ANKRD11: variants seen among roughly 807,000 people sequenced by gnomAD.
The protein encoded by ANKRD11 is ankyrin repeat domain-containing protein 11.
In ANKRD11, 17 loss-of-function variants were observed where a neutral mutation model predicts 195.7. The ratio of observed to expected loss-of-function variants is 0.09; its 90% confidence interval spans 0.06 to 0.13. The LOEUF (loss-of-function observed/expected upper bound fraction) is 0.13. ANKRD11 is among the 10% of genes least tolerant of loss of function. ANKRD11 has a pLI of 1.00. For synonymous variants in ANKRD11, 1,953 were observed against 1,528.1 expected (o/e 1.28, Z -6.49); for missense variants, 3,735 against 3,566.1 (o/e 1.05, Z -1.21).
intron 3 of ANKRD11, among the ~76,000 whole-genome samples, chr16:89,314,254 AAAAC>A (rs922996446): frequency 1.8e-3 from 268 of 151,472 alleles, no homozygotes; most frequent in South Asian, 4.4e-3. Flanking sequence ...ACCCTGTCTC[AAAAC>A]AAACAAACAA....
At chr16:89,355,837 C>T (rs929170476) in intron 2 of ANKRD11, among the ~76,000 whole-genome samples, 4 of 152,282 alleles carry the variant, frequency 2.6e-5, no homozygotes, top group South Asian at 2.1e-4. Context: ...CTCTCCTGTG[C>T]GCAGCCCAAT....
At chr16:89,350,413 C>T (rs746804553) in intron 2 of ANKRD11, among the ~76,000 whole-genome samples, 1 of 152,162 alleles carries the variant, frequency 6.6e-6, no homozygotes, top group Admixed American at 6.5e-5. Context: ...TAGGAAACAA[C>T]GGACATGTCT....
chr16:89,337,550 C>T (rs998353003), intron 2 of ANKRD11, among the ~76,000 whole-genome samples: 1 of 146,712 alleles, frequency 6.8e-6, no homozygotes, highest in Non-Finnish European at 1.5e-5. Context: ...CATTCTCCTG[C>T]CTCAACCTCC....
intron 1 of ANKRD11, among the ~76,000 whole-genome samples, chr16:89,432,630 A>G (rs1313706327): frequency 6.6e-6 from 1 of 152,046 alleles, no homozygotes; most frequent in Non-Finnish European, 1.5e-5. Flanking sequence ...CTACGGAGAT[A>G]TGTATTGCTT....
At chr16:89,348,500 GAAGGGCTTCTATATAA>G (rs2039049252) in intron 2 of ANKRD11, among the ~76,000 whole-genome samples, 1 of 152,148 alleles carries the variant, frequency 6.6e-6, no homozygotes, top group South Asian at 2.1e-4. Context: ...CTCTGTTGTG[GAAGGGCTTCTATATAA>G]CTGACTTTCC....
intron 2 of ANKRD11, among the ~76,000 whole-genome samples, chr16:89,398,605 G>C (rs888367304): frequency 2.0e-5 from 3 of 152,164 alleles, no homozygotes; most frequent in Admixed American, 2.0e-4. Context: ...AGCTGGGTGT[G>C]TTGGCACCTG....
At chr16:89,361,131 G>A (rs1222021241) in intron 2 of ANKRD11, among the ~76,000 whole-genome samples, 6 of 152,154 alleles carry the variant, frequency 3.9e-5, no homozygotes, top group Non-Finnish European at 8.8e-5. Flanking sequence ...CAGACACCCT[G>A]GCTAGGCCCG....
At chr16:89,481,806 G>A (rs2057453404) in intron 1 of ANKRD11, among the ~76,000 whole-genome samples, 1 of 151,942 alleles carries the variant, frequency 6.6e-6, no homozygotes, top group South Asian at 2.1e-4. Flanking sequence ...CACGTTACAT[G>A]CGGCCTTCCC....
intron 1 of ANKRD11, among the ~76,000 whole-genome samples, chr16:89,427,155 C>T (rs1567789181): frequency 6.6e-6 from 1 of 152,200 alleles, no homozygotes; most frequent in Non-Finnish European, 1.5e-5. Flanking sequence ...ATTAAGGAAA[C>T]ATTTCCATTT....
intron 1 of ANKRD11, among the ~76,000 whole-genome samples, chr16:89,441,767 CA>C (rs57747159): frequency 0.054 from 2,789 of 51,948 alleles, 66 homozygotes; most frequent in Admixed American, 0.13. Context: ...ACTCCGCCTA[CA>C]AAAAAAAAAA....
rs1252229710 is a variant in ANKRD11, at chr16:89,280,193, G to A, written c.6349C>T (p.Pro2117Ser). 1 of 1,608,430 alleles carries A rather than the reference G, an allele frequency of 6.2e-7. No individual in the cohort carries two copies. Among genetic ancestry groups the A allele is most frequent in the Non-Finnish European group, 8.5e-7 (1 of 1,179,068 alleles). Residue 2117 changes from proline to serine, a missense_variant, in exon 9 of 13, where the codon CCG (proline) becomes TCG (serine). By Grantham distance (74) the Pro-to-Ser change is moderately conservative. Coordinates refer to ENST00000301030, the MANE Select transcript of ANKRD11 (RefSeq NM_013275.6). ...GCGAAGGCGTCCGCCCAGGGCACCG[G>A]CTCCACCTGGCCGAGGTGAGACAGG... The part of the protein sequence containing the change: ...RGLSHLGQVE[P>S]VPWADAFAGP...
intron 1 of ANKRD11, among the ~76,000 whole-genome samples, chr16:89,453,373 C>T (rs573679946): frequency 3.3e-5 from 5 of 152,312 alleles, no homozygotes; most frequent in African/African-American, 1.2e-4. Flanking sequence ...GGAGAACACA[C>T]ATTTCCTTAT....
chr16:89,440,057 G>A (rs1029701037), intron 1 of ANKRD11, among the ~76,000 whole-genome samples: 1 of 152,134 alleles, frequency 6.6e-6, no homozygotes, highest in Non-Finnish European at 1.5e-5. Flanking sequence ...GAGACTCAGA[G>A]GAGATCACAG....
chr16:89,289,183 T>C (rs964604761), intron 6 of ANKRD11, among the ~76,000 whole-genome samples: 4 of 151,786 alleles, frequency 2.6e-5, no homozygotes, highest in Admixed American at 2.6e-4. Context: ...GAGCTTGGAG[T>C]CCACCATCGG....
chr16:89,404,312 G>A (rs1383432627), intron 2 of ANKRD11, among the ~76,000 whole-genome samples: 1 of 152,126 alleles, frequency 6.6e-6, no homozygotes, highest in Non-Finnish European at 1.5e-5. Context: ...ATCAACATCT[G>A]TGTAACTAAG....
At chr16:89,288,070 G>C (rs1214762402) in intron 7 of ANKRD11, 2 of 568,762 alleles carry the variant, frequency 3.5e-6, no homozygotes, top group Non-Finnish European at 6.2e-6. Flanking sequence ...CACTGCTCCT[G>C]GGCCGGCCAC....
chr16:89,370,579 C>G (rs1208022406), intron 2 of ANKRD11: 2 of 152,416 alleles, frequency 1.3e-5, no homozygotes, highest in African/African-American at 2.4e-5. Context: ...CAGGGCCTTC[C>G]AGGCAGCTCA....
chr16:89,295,091 G>C (rs950670279), intron 4 of ANKRD11, among the ~76,000 whole-genome samples: 3 of 152,232 alleles, frequency 2.0e-5, no homozygotes, highest in African/African-American at 7.2e-5. Context: ...TAGGGACTAA[G>C]TGCGGCTACA....
chr16:89,300,900 C>T, intron 4 of ANKRD11: 1 of 701,702 alleles, frequency 1.4e-6, no homozygotes. Context: ...CAGCTTCGGC[C>T]CATGGCGCTC....
Sources: gnomAD v4.1 joint callset for allele counts (sites outside exome capture counted in the v4.1 genomes callset) on GRCh38, gnomAD v4.1.1 for gene constraint, MANE v1.5 for transcripts, NCBI Gene and HGNC (gene_info 2026-07-23, HGNC 2026-07-21) for gene names.